Variants in KCNC2 observed in about 807,000 individuals in gnomAD.
KCNC2 encodes the protein potassium voltage-gated channel subfamily C member 2.
KCNC2 carries 21 observed loss-of-function variants against 44.5 expected under a neutral mutation model. The ratio of observed to expected loss-of-function variants is 0.47; its 90% CI spans 0.33 to 0.68. KCNC2 has a LOEUF of 0.68. Ranked by LOEUF, KCNC2 falls within the 30% of genes least tolerant of loss-of-function variation. KCNC2 has a pLI of 0.01. For synonymous variants in KCNC2, 391 were observed against 339.1 expected, an observed-to-expected ratio of 1.15 and a Z score of -1.68; for missense variants, 589 against 826.2, an observed-to-expected ratio of 0.71 and a Z score of 3.52.
At chr12:75,075,469 A>ATATATACACATATATATACATATC (rs1883859226) in intron 2 of KCNC2, among the ~76,000 whole-genome samples, 1 of 146,440 alleles carries the variant, frequency 6.8e-6, no homozygotes, top group Admixed American at 6.8e-5. Flanking sequence ...ATATATATAT[A>ATATATACACATATATATACATATC]TATATATATA....
At chr12:75,102,418 A>C (rs1238279826) in intron 2 of KCNC2, among the ~76,000 whole-genome samples, 1 of 152,096 alleles carries the variant, frequency 6.6e-6, no homozygotes, top group South Asian at 2.1e-4. Flanking sequence ...CACTGGTTAC[A>C]TACCTCTATT....
chr12:75,047,492 T>C lies in KCNC2; in HGVS notation c.1780+661A>G, dbSNP rs143225580. Among the ~76,000 whole-genome samples, 6 of 152,222 alleles carry C rather than the reference T, an allele frequency of 3.9e-5. No homozygotes were observed. In the East Asian group the frequency reaches 1.2e-3, roughly 29 times the overall value. ...ATTATCTTCTAGGTGTCAGGAACAG[T>C]TCATGTCTGTTGAAAAATAGTAATA... is the stretch of plus-strand genomic sequence containing the variant. On this transcript the variant is annotated intron_variant, in intron 4 of 4. Coordinates refer to ENST00000549446, the MANE Select transcript of KCNC2 (RefSeq NM_139137.4).
chr12:75,088,795 A>T (rs1885235469), intron 2 of KCNC2, among the ~76,000 whole-genome samples: 1 of 152,022 alleles, frequency 6.6e-6, no homozygotes, highest in Non-Finnish European at 1.5e-5. Flanking sequence ...AATTTACATA[A>T]ATTGATGAGA....
chr12:75,191,544 T>TA (rs2030252015), intron 2 of KCNC2, among the ~76,000 whole-genome samples: 2 of 51,192 alleles, frequency 3.9e-5, no homozygotes, highest in Non-Finnish European at 8.1e-5. Context: ...TTTTTTTTTT[T>TA]TTTTTTTTTT....
At chr12:75,136,501 T>C (rs1424260234) in intron 2 of KCNC2, among the ~76,000 whole-genome samples, 1 of 151,926 alleles carries the variant, frequency 6.6e-6, no homozygotes, top group Middle Eastern at 3.2e-3. Context: ...TTACAACTGA[T>C]ACCACAGAAA....
In KCNC2 at chr12:75,040,730, T is replaced by C. The variant is rs1381014850; in HGVS notation, c.*2375A>G. 5.7e-6 allele frequency: 1 copy of C among 174,078 alleles called. No individual in the cohort carries two copies. Among genetic ancestry groups the C allele is most frequent in the African/African-American group, 2.4e-5 (1 of 42,400 alleles). The allele number at this position is 174,078 out of a possible 1,614,324, so 10.8% of individuals were successfully genotyped here. ...TAAGAAAATTATACAATCAAGTTCA[T>C]AGATTCAACCAAAGAAGTAGAAATA... On this transcript the variant is annotated 3_prime_UTR_variant, in exon 5 of 5. Transcript: ENST00000549446.
chr12:75,081,202 C>T (rs1216733157), intron 2 of KCNC2, among the ~76,000 whole-genome samples: 1 of 152,088 alleles, frequency 6.6e-6, no homozygotes, highest in Non-Finnish European at 1.5e-5. Flanking sequence ...ATTATTCAAA[C>T]TGAACCAAAT....
intron 2 of KCNC2, among the ~76,000 whole-genome samples, chr12:75,193,512 T>C (rs1026887196): frequency 1.3e-5 from 2 of 152,052 alleles, no homozygotes; most frequent in Non-Finnish European, 2.9e-5. Context: ...CCTTAGAATA[T>C]AGCTAGCAAG....
At chr12:75,171,641 T>G (rs1891826450) in intron 2 of KCNC2, among the ~76,000 whole-genome samples, 1 of 151,742 alleles carries the variant, frequency 6.6e-6, no homozygotes, top group Admixed American at 6.6e-5. Context: ...GAGGGAGGAA[T>G]GAAGAAAGCT....
chr12:75,177,032 T>TTATATATATATATATATATATA (rs3073537), intron 2 of KCNC2, among the ~76,000 whole-genome samples: 18 of 139,904 alleles, frequency 1.3e-4, no homozygotes, highest in African/African-American at 4.6e-4. Flanking sequence ...GCTGCAAGTT[T>TTATATATATATATATATATATA]TATATATATA....
chr12:75,105,636 A>G (rs1886723187), intron 2 of KCNC2, among the ~76,000 whole-genome samples: 1 of 152,182 alleles, frequency 6.6e-6, no homozygotes, highest in Non-Finnish European at 1.5e-5. Flanking sequence ...AGAATTTCCT[A>G]AGGAATCGAA....
At chr12:75,202,880 T>C (rs923422195) in intron 2 of KCNC2, among the ~76,000 whole-genome samples, 12 of 151,414 alleles carry the variant, frequency 7.9e-5, no homozygotes, top group Non-Finnish European at 1.3e-4. Flanking sequence ...TAATAGATAA[T>C]GCCTTTAGGA....
intron 2 of KCNC2, among the ~76,000 whole-genome samples, chr12:75,093,114 T>C (rs1164800547): frequency 1.3e-5 from 2 of 151,396 alleles, no homozygotes; most frequent in Admixed American, 6.6e-5. Flanking sequence ...CCAGTGCAGC[T>C]ATTGAAATTT....
chr12:75,197,501 T>C (rs933350080), intron 2 of KCNC2, among the ~76,000 whole-genome samples: 5 of 152,056 alleles, frequency 3.3e-5, no homozygotes, highest in African/African-American at 7.2e-5. Context: ...TATCAATGTC[T>C]CTACTATATC....
At chr12:75,155,822 TAC>T in intron 2 of KCNC2, among the ~76,000 whole-genome samples, 1 of 151,760 alleles carries the variant, frequency 6.6e-6, no homozygotes, top group East Asian at 2.0e-4. Context: ...ATGCTTTAGA[TAC>T]AGTTTATCAG....
intron 4 of KCNC2, chr12:75,043,647 T>G (rs1880167421): frequency 3.1e-6 from 4 of 1,285,116 alleles, no homozygotes; most frequent in Admixed American, 3.5e-5. Context: ...TTTTCTCTTT[T>G]CATTTTTTAT....
chr12:75,133,051 A>G (rs143928500), intron 2 of KCNC2, among the ~76,000 whole-genome samples: 234 of 152,172 alleles, frequency 1.5e-3, no homozygotes, highest in African/African-American at 5.4e-3. Flanking sequence ...AAGTGACTAT[A>G]AAAATCGATG....
chr12:75,165,047 G>A (rs572510783), intron 2 of KCNC2, among the ~76,000 whole-genome samples: 2 of 151,636 alleles, frequency 1.3e-5, no homozygotes, highest in South Asian at 4.1e-4. Context: ...ACTTGTTGAT[G>A]TCAAGAGAGT....
At chr12:75,170,069 A>G (rs1353787862) in intron 2 of KCNC2, among the ~76,000 whole-genome samples, 1 of 151,742 alleles carries the variant, frequency 6.6e-6, no homozygotes, top group African/African-American at 2.4e-5. Context: ...GTTCCAGACC[A>G]TTTCAATGTT....
Sources: allele counts gnomAD v4.1 joint callset (sites outside exome capture counted in the v4.1 genomes callset), GRCh38; gene constraint gnomAD v4.1.1; transcripts MANE v1.5; gene names NCBI Gene and HGNC (gene_info 2026-07-23, HGNC 2026-07-21).